Variants in EPG5 observed in about 807,000 individuals in gnomAD.
EPG5 encodes ectopic P-granules 5 autophagy tethering factor, also known as ectopic P granules protein 5 homolog.
EPG5 carries 159 observed loss-of-function variants against 302.7 expected under a neutral mutation model. The ratio of observed to expected loss-of-function variants is 0.53; its 90% CI spans 0.46 to 0.60. The LOEUF (loss-of-function observed/expected upper bound fraction) is 0.60. Among genes scored for constraint, EPG5 ranks in the 20% least tolerant of loss-of-function variants. The pLI is 0.00. For missense variants in EPG5, 2,896 were observed against 3,092.4 expected, an observed-to-expected ratio of 0.94 and a Z score of 1.51; for synonymous variants, 1,158 against 1,136.8, an observed-to-expected ratio of 1.02 and a Z score of -0.37.
the EPG5 span, among the ~76,000 whole-genome samples, chr18:45,840,401 T>TTC: frequency 6.6e-6 from 1 of 152,044 alleles, no homozygotes; most frequent in Non-Finnish European, 1.5e-5. Flanking sequence ...AAGGCACCCC[T>TTC]CTTGCAGCCT....
At chr18:45,846,402 T>A (rs938268158), downstream of EPG5, among the ~76,000 whole-genome samples, 1 of 150,660 alleles carries the variant, frequency 6.6e-6, no homozygotes, top group African/African-American at 2.5e-5. Context: ...GTGCCTGTAA[T>A]CCCAGCTACT....
chr18:45,966,375 CAA>C (rs540209261), intron 1 of EPG5, among the ~76,000 whole-genome samples: 8 of 73,040 alleles, frequency 1.1e-4, no homozygotes, highest in African/African-American at 9.4e-5. Flanking sequence ...GACTCTGTCT[CAA>C]AAAAAAAAAA....
chr18:45,908,012 A>G lies in EPG5; in HGVS notation c.4275T>C (p.Ser1425=), dbSNP rs1244082965. 6.2e-7 allele frequency: 1 copy of G among 1,602,124 alleles called. No homozygotes were observed. The highest frequency in any genetic ancestry group is 8.5e-7 in the Non-Finnish European group (1 of 1,176,326). Reference sequence around the variant, plus strand: ...TGTGAATATCATAATGCTTTGGTAGAGAAGGGATATAGGTATCTCCTTTTT... The same window carrying G: ...TGTGAATATCATAATGCTTTGGTAGGGAAGGGATATAGGTATCTCCTTTTT... The part of the protein sequence containing the change: ...NFQKGDTYIP[S]LPKHYDIHRL... Residue 1425 remains serine, a synonymous_variant, in exon 24 of 44, where the codon TCT becomes TCC. Coordinates refer to ENST00000282041, the MANE Select transcript of EPG5 (RefSeq NM_020964.3).
At chr18:45,939,539 G>T (rs138404190) in intron 10 of EPG5, 61 bp downstream of exon 10, 2 of 1,505,912 alleles carry the variant, frequency 1.3e-6, no homozygotes, top group Non-Finnish European at 1.8e-6. Flanking sequence ...GGCTTTCACC[G>T]AATGGTTCTT....
chr18:45,933,015 C>T (rs1318596613), intron 11 of EPG5, among the ~76,000 whole-genome samples: 1 of 152,112 alleles, frequency 6.6e-6, no homozygotes, highest in Non-Finnish European at 1.5e-5. Context: ...AGGGAGATGA[C>T]ACTACAAAGG....
chr18:45,910,303 G>T (rs1369051507), intron 23 of EPG5, among the ~76,000 whole-genome samples: 1 of 152,152 alleles, frequency 6.6e-6, no homozygotes, highest in Non-Finnish European at 1.5e-5. Flanking sequence ...TCAGACTACA[G>T]GCACTCGACA....
At chr18:45,917,638 C>G (rs1568153003) in intron 17 of EPG5, 41 bp downstream of exon 17, 1 of 1,606,784 alleles carries the variant, frequency 6.2e-7, no homozygotes, top group East Asian at 2.2e-5. Context: ...ACTTGCTGGA[C>G]TGTTTAAGAG....
chr18:45,873,873 T>C (rs1330384594), intron 35 of EPG5, among the ~76,000 whole-genome samples: 1 of 152,154 alleles, frequency 6.6e-6, no homozygotes, highest in African/African-American at 2.4e-5. Context: ...TATCCAGCCA[T>C]GAAAAGGCAT....
At chr18:45,940,248 G>A (rs12604492) in intron 9 of EPG5, among the ~76,000 whole-genome samples, 27,984 of 152,154 alleles carry the variant, frequency 0.18, 4,008 homozygotes, top group African/African-American at 0.37. Flanking sequence ...GGAGGCCAAT[G>A]TGCTGAGAGG....
chr18:45,871,480 C>T (rs2048870906), intron 35 of EPG5, among the ~76,000 whole-genome samples: 1 of 152,154 alleles, frequency 6.6e-6, no homozygotes, highest in African/African-American at 2.4e-5. Flanking sequence ...ACCACACTCC[C>T]ATGTTCACTG....
the EPG5 span, among the ~76,000 whole-genome samples, chr18:45,815,758 C>T: frequency 6.6e-6 from 1 of 152,156 alleles, no homozygotes; most frequent in African/African-American, 2.4e-5. Context: ...AACGATACTA[C>T]CATCATTCTT....
chr18:45,939,776 T>A (rs746795777), intron 9 of EPG5, 21 bp from the exon 10 acceptor site: 4 of 1,604,588 alleles, frequency 2.5e-6, no homozygotes, highest in Non-Finnish European at 3.4e-6. Context: ...GGAAAGATAA[T>A]ACAGTACTTT....
intron 39 of EPG5, among the ~76,000 whole-genome samples, chr18:45,864,259 C>A (rs953310775): frequency 1.3e-5 from 2 of 152,110 alleles, no homozygotes; most frequent in African/African-American, 4.8e-5. Flanking sequence ...CTTTTACGTT[C>A]CTTCTCTGTT....
intron 27 of EPG5, among the ~76,000 whole-genome samples, chr18:45,897,881 G>A (rs1877236423): frequency 6.6e-6 from 1 of 152,148 alleles, no homozygotes; most frequent in African/African-American, 2.4e-5. Context: ...AAAAAGAAGG[G>A]AAATTTCTGA....
chr18:45,961,034 C>T (rs1412580488), intron 1 of EPG5, among the ~76,000 whole-genome samples: 1 of 152,160 alleles, frequency 6.6e-6, no homozygotes, highest in African/African-American at 2.4e-5. Flanking sequence ...TTCTCAGGGT[C>T]TTCCTTGACT....
At chr18:45,870,340 T>C (rs751577423) in intron 36 of EPG5, among the ~76,000 whole-genome samples, 3 of 152,196 alleles carry the variant, frequency 2.0e-5, no homozygotes, top group Non-Finnish European at 4.4e-5. Context: ...TGACATATTA[T>C]AGATAAAATC....
intron 16 of EPG5, among the ~76,000 whole-genome samples, chr18:45,918,037 GA>G (rs2050072301): frequency 6.6e-6 from 1 of 152,206 alleles, no homozygotes; most frequent in Admixed American, 6.5e-5. Flanking sequence ...TGAGGAAGGT[GA>G]AGTATCATGC....
Position 45,955,069 on chromosome 18 carries a change from G to A in EPG5, c.333C>T (p.Pro111=). 6.2e-7 allele frequency: 1 copy of A among 1,614,072 alleles called. No individual in the cohort carries two copies. Among genetic ancestry groups the A allele is most frequent in the Non-Finnish European group, 8.5e-7 (1 of 1,179,988 alleles). Residue 111 remains proline (P), a synonymous_variant, in exon 2 of 44, where the codon CCC becomes CCT. Coordinates refer to ENST00000282041, the MANE Select transcript of EPG5 (RefSeq NM_020964.3). The part of the protein sequence containing the change: ...EPPKEGGEAR[P]CVGDSAVTPK... ...GAGTGACTGCACTGTCCCCCACACAGGGTCTGGCCTCTCCCCCTTCCTTTG... is the reference window on the plus strand; with the variant it reads ...GAGTGACTGCACTGTCCCCCACACAAGGTCTGGCCTCTCCCCCTTCCTTTG...
Position 45,925,853 on chromosome 18 carries a change from G to A in EPG5, c.2603C>T (p.Ser868Phe), listed in dbSNP as rs1407939790. ...CCGAATCACCGCTATCTCAGATGCA[G>A]AAGGTTGCCAAAGATACAAAGGCAG... ...KELPLYLWQP[S>F]ASEIAVIRDW... Residue 868 changes from serine (S) to phenylalanine (F), a missense_variant, in exon 14 of 44, where the codon TCT becomes TTT. Physicochemically the swap from Ser to Phe is radical, Grantham distance 155. Transcript: ENST00000282041. 1 of 1,566,898 alleles carries A rather than the reference G, an allele frequency of 6.4e-7. No individual in the cohort carries two copies.
Sources: gnomAD v4.1 joint callset for allele counts (sites outside exome capture counted in the v4.1 genomes callset) on GRCh38, gnomAD v4.1.1 for gene constraint, MANE v1.5 for transcripts, NCBI Gene and HGNC (gene_info 2026-07-23, HGNC 2026-07-21) for gene names.